The following DCLRE1C variants were observed in gnomAD, a reference collection of about 807,000 sequenced individuals.
DCLRE1C encodes DNA cross-link repair 1C.
In DCLRE1C, 47 loss-of-function variants were observed where a neutral mutation model predicts 61.4. That is an observed-to-expected ratio of 0.77 (90% CI 0.61 to 0.98). DCLRE1C has a LOEUF of 0.98. Among genes scored for constraint, DCLRE1C ranks in the 50% least tolerant of loss-of-function variants. The probability of loss-of-function intolerance (pLI) is 0.00; values close to 1 mark genes in which losing one functional copy is unlikely to be tolerated. For synonymous variants in DCLRE1C, 337 were observed against 287.6 expected (o/e 1.17, Z -1.74); for missense variants, 858 against 816.0 (o/e 1.05, Z -0.63).
intron 3 of DCLRE1C, among the ~76,000 whole-genome samples, chr10:14,943,929 T>G (rs1259675036): frequency 6.6e-6 from 1 of 152,196 alleles, no homozygotes; most frequent in African/African-American, 2.4e-5. Flanking sequence ...TATATAGTCA[T>G]ATATAATTGG....
At chr10:14,938,063 G>T (rs868370987) in intron 4 of DCLRE1C, among the ~76,000 whole-genome samples, 78 of 152,174 alleles carry the variant, frequency 5.1e-4, no homozygotes, top group African/African-American at 9.9e-4. Flanking sequence ...TCAGTGACAG[G>T]GACTCCTCAT....
chr10:14,949,355 G>C (rs1350606571), intron 1 of DCLRE1C, among the ~76,000 whole-genome samples: 5 of 152,132 alleles, frequency 3.3e-5, no homozygotes, highest in Non-Finnish European at 4.4e-5. Flanking sequence ...AATCACTCTG[G>C]GCAGCCACAG....
intron 13 of DCLRE1C, among the ~76,000 whole-genome samples, chr10:14,913,321 T>TAACA (rs1401636658): frequency 3.3e-5 from 5 of 152,394 alleles, no homozygotes; most frequent in Admixed American, 6.5e-5. Flanking sequence ...ATAGTGGGGA[T>TAACA]GATTGTACAA....
chr10:14,897,947 G>A (rs927949823), exon 14 of DCLRE1C: 3 of 152,422 alleles, frequency 2.0e-5, no homozygotes, highest in Admixed American at 6.6e-5. Flanking sequence ...CAACATGAAA[G>A]ATACTATATT....
At chr10:14,920,276 C>G in intron 12 of DCLRE1C, 1 of 589,012 alleles carries the variant, frequency 1.7e-6, no homozygotes, top group Non-Finnish European at 2.2e-6. Flanking sequence ...TCACAGGAAT[C>G]TCCACAAATT....
In DCLRE1C at chr10:14,944,673, CTTTTTTTTTTTT is replaced by C. The variant is rs1165126470; in HGVS notation, c.246+420_246+431del. ...TGCCAACAGACTTAATTTTTTTTTT[CTTTTTTTTTTTT>C]TTTTTTTTAGATGGAGTCCCACTCT... On this transcript the variant is annotated intron_variant, in intron 3 of 13. Transcript: ENST00000378278. 8.5e-5 allele frequency among the ~76,000 whole-genome samples: 10 copies of C among 117,740 alleles called. No homozygotes were observed. The East Asian group carries it at 2.1e-3, about 25-fold the overall frequency. 77.2% of individuals were successfully genotyped at this position (117,740 alleles called of 152,430 possible). A position where few individuals can be genotyped will look rare whatever the true frequency, so the allele number is the denominator to read the frequency against.
intron 9 of DCLRE1C, among the ~76,000 whole-genome samples, chr10:14,929,674 A>G (rs552865663): frequency 6.7e-6 from 1 of 149,736 alleles, no homozygotes; most frequent in African/African-American, 2.5e-5. Context: ...AAAAGTTTTC[A>G]AAATAAATTT....
rs553216008 is a variant in DCLRE1C, at chr10:14,926,931, C to G, written c.918-34G>C. On this transcript the variant is annotated intron_variant, in intron 10 of 13. Transcript: ENST00000378278. ...AAGTGAAAACACAAAATAAAAAGAT[C>G]ACTGAGCAAAACTAAAACTAAGCAA... 221 of 1,592,110 alleles carry G rather than the reference C, an allele frequency of 1.4e-4. 2 individuals carry two copies. The highest frequency in any genetic ancestry group is 1.1e-3 in the South Asian group (97 of 90,358).
At chr10:14,904,406 A>G (rs1471300136), downstream of DCLRE1C, 3 of 146,918 alleles carry the variant, frequency 2.0e-5, no homozygotes, top group East Asian at 2.0e-4. Context: ...AATCAGTCAC[A>G]TAGTGTCAGT....
chr10:14,943,716 T>A (rs1459339640), intron 3 of DCLRE1C, among the ~76,000 whole-genome samples: 3 of 152,028 alleles, frequency 2.0e-5, no homozygotes, highest in Admixed American at 2.0e-4. Context: ...CACACCCAAT[T>A]TTTTGCATTT....
chr10:14,914,940 TA>T (rs201181306), intron 13 of DCLRE1C, among the ~76,000 whole-genome samples: 16,996 of 142,402 alleles, frequency 0.12, 1,706 homozygotes, highest in African/African-American at 0.27. Flanking sequence ...TCCATCTCAT[TA>T]AAAAAAAAAA....
chr10:14,908,172 T>G lies in DCLRE1C; in HGVS notation c.*236A>C. On this transcript the variant is annotated 3_prime_UTR_variant, in exon 14 of 14. Coordinates refer to ENST00000378278, the MANE Select transcript of DCLRE1C (RefSeq NM_001033855.3). ...GCCCACCACCATGCCTGGCTTTTTT[T>G]TTTTTTTTTTTTTTTGTAAGTAGAG... is the stretch of plus-strand genomic sequence containing the variant. 3.5e-6 allele frequency: 1 copy of G among 284,054 alleles called. No homozygotes were observed. The highest frequency in any genetic ancestry group is 6.1e-6 in the Non-Finnish European group (1 of 162,846). The allele number at this position is 284,054 out of a possible 1,614,324, so 17.6% of individuals were successfully genotyped here.
At chr10:14,931,673 G>GA (rs1281129287) in intron 9 of DCLRE1C, among the ~76,000 whole-genome samples, 1 of 152,104 alleles carries the variant, frequency 6.6e-6, no homozygotes, top group African/African-American at 2.4e-5. Flanking sequence ...TTTAAAGTGT[G>GA]AAAAAAAGTT....
chr10:14,912,094 C>G lies in DCLRE1C; in HGVS notation c.1157-2764G>C, dbSNP rs74124748. Among the ~76,000 whole-genome samples, 33 of 152,296 alleles carry G rather than the reference C, an allele frequency of 2.2e-4. No homozygotes were observed. In the South Asian group the frequency reaches 6.8e-3, roughly 32 times the overall value. On this transcript the variant is annotated intron_variant, in intron 13 of 13. Transcript: ENST00000378278. The stretch of plus-strand genomic sequence containing the variant: ...CTGTCAAAATTCATATGTGGAAGCC[C>G]TAAAGCCAGTGTGGCTGTTATCTAG...
intron 3 of DCLRE1C, among the ~76,000 whole-genome samples, chr10:14,940,323 C>G (rs1360898701): frequency 6.9e-6 from 1 of 145,538 alleles, no homozygotes; most frequent in Non-Finnish European, 1.5e-5. Context: ...CATTCTCGCT[C>G]TGTCACCCAG....
In DCLRE1C at chr10:14,908,457, C is replaced by G. The variant is rs762511226; in HGVS notation, c.2030G>C (p.Gly677Ala). The G allele has an allele frequency of 3.1e-6, 5 of 1,613,936 alleles. No individual in the cohort carries two copies. The highest frequency in any genetic ancestry group is 2.2e-5 in the South Asian group (2 of 91,066). Residue 677 changes from glycine to alanine, a missense_variant, in exon 14 of 14, where the codon GGT (glycine) becomes GCT (alanine). Physicochemically the swap from Gly to Ala is moderately conservative, Grantham distance 60. Transcript: ENST00000378278. ...LQYLYEKLATGESIAVKKRKC... is the reference protein window; with the variant it reads ...LQYLYEKLATAESIAVKKRKC... Reference sequence around the variant, plus strand: ...TCTTTTTTTGACTGCTATACTCTCACCAGTTGCCAGCTTCTCATATAAATA... The same window carrying G: ...TCTTTTTTTGACTGCTATACTCTCAGCAGTTGCCAGCTTCTCATATAAATA...
chr10:14,935,966 T>G (rs1839840262), intron 5 of DCLRE1C, among the ~76,000 whole-genome samples: 2 of 152,352 alleles, frequency 1.3e-5, no homozygotes, highest in South Asian at 4.1e-4. Flanking sequence ...TGCAAGGCAG[T>G]GGCTCAATCT....
Position 14,897,551 on chromosome 10 carries a change from C to T in DCLRE1C, c.*1613G>A, listed in dbSNP as rs552656421. On this transcript the variant is annotated 3_prime_UTR_variant, in exon 14 of 14. Transcript: ENST00000378289. ...CATTTGCCACGTAGTAAATGATGGA[C>T]ATGCAAGGTTTATACTTTTGGAAAA... 8.8e-6 allele frequency: 13 copies of T among 1,470,980 alleles called. No individual in the cohort carries two copies. The African/African-American group carries it at 9.8e-5, about 11-fold the overall frequency. The allele number at this position is 1,470,980 out of a possible 1,614,324, so 91.1% of individuals were successfully genotyped here.
At chr10:14,931,466 G>A (rs982086109) in intron 9 of DCLRE1C, among the ~76,000 whole-genome samples, 2 of 152,190 alleles carry the variant, frequency 1.3e-5, no homozygotes, top group African/African-American at 4.8e-5. Context: ...GCTGAGGCAA[G>A]AGAATCGCTT....
Sources: gnomAD v4.1 joint callset for allele counts (sites outside exome capture counted in the v4.1 genomes callset) on GRCh38, gnomAD v4.1.1 for gene constraint, MANE v1.5 for transcripts, NCBI Gene and HGNC (gene_info 2026-07-23, HGNC 2026-07-21) for gene names.